MAOA: variants seen among roughly 807,000 people sequenced by gnomAD.
The protein encoded by MAOA is monoamine oxidase A.
Under a neutral mutation model 42.0 loss-of-function variants are expected in MAOA, and 6 were observed. The observed-to-expected ratio is 0.14, with a 90% CI of 0.08 to 0.28. The LOEUF (loss-of-function observed/expected upper bound fraction) is 0.28, where lower values mean the gene tolerates loss of function less well. Among genes scored for constraint, MAOA ranks in the 10% least tolerant of loss-of-function variants. The pLI, the probability that MAOA is intolerant of heterozygous loss-of-function variation, is 1.00. For missense variants in MAOA, 262 were observed against 422.3 expected, an observed-to-expected ratio of 0.62 and a Z score of 3.33; for synonymous variants, 140 against 154.0, an observed-to-expected ratio of 0.91 and a Z score of 0.67.
At chrX:43,675,924 A>T (rs1013432857) in intron 1 of MAOA, among the ~76,000 whole-genome samples, 3 of 112,237 alleles carry the variant, frequency 2.7e-5, no homozygotes, top group South Asian at 3.7e-4. Context: ...CAGTCTGCCC[A>T]TTCTCAGATC....
At chrX:43,674,976 G>T (rs1326451033) in intron 1 of MAOA, among the ~76,000 whole-genome samples, 1 of 111,585 alleles carries the variant, frequency 9.0e-6, no homozygotes, top group Non-Finnish European at 1.9e-5. Context: ...TGTATTTCCT[G>T]AATCTGAATG....
intron 1 of MAOA, among the ~76,000 whole-genome samples, chrX:43,660,720 A>G (rs1004674902): frequency 1.8e-5 from 2 of 111,633 alleles, no homozygotes; most frequent in African/African-American, 6.5e-5. Context: ...TTAACAAACA[A>G]TTTACACTTA....
At chrX:43,689,140 C>T (rs779490637) in intron 2 of MAOA, among the ~76,000 whole-genome samples, 20 of 110,467 alleles carry the variant, frequency 1.8e-4, no homozygotes, top group South Asian at 3.8e-4. Context: ...AGTGCAGTGG[C>T]GCAATCTCAG....
Position 43,698,046 on chromosome X carries a change from G to T in MAOA, c.306+4618G>T, listed in dbSNP as rs534632275. On this transcript the variant is annotated intron_variant, in intron 3 of 14. Transcript: ENST00000338702. ...TGTGACATTTTCTGCATTGCTTTTT[G>T]ACAACTTCAGCTTTCATAATCTAAT... Among the ~76,000 whole-genome samples the T allele has an allele frequency of 2.1e-4, 24 of 111,948 alleles. No individual in the cohort carries two copies. The South Asian group carries it at 2.6e-3, about 12-fold the overall frequency.
chrX:43,685,030 C>CT (rs2033476138), intron 2 of MAOA, among the ~76,000 whole-genome samples: 1 of 108,389 alleles, frequency 9.2e-6, no homozygotes, highest in Non-Finnish European at 1.9e-5. Flanking sequence ...GGCACCCCCC[C>CT]CACCACGCCA....
intron 3 of MAOA, among the ~76,000 whole-genome samples, chrX:43,699,603 T>G (rs1355996909): frequency 8.9e-6 from 1 of 111,878 alleles, no homozygotes; most frequent in African/African-American, 3.2e-5. Context: ...AAAGATTTAT[T>G]TAAAACAACA....
At chrX:43,702,992 A>G (rs942545891) in intron 3 of MAOA, among the ~76,000 whole-genome samples, 11 of 111,493 alleles carry the variant, frequency 9.9e-5, no homozygotes, top group African/African-American at 3.3e-4. Context: ...TCACTAATTG[A>G]CATAATTATT....
intron 6 of MAOA, among the ~76,000 whole-genome samples, chrX:43,728,713 CT>C (rs1198662618): frequency 1.8e-5 from 2 of 112,632 alleles, no homozygotes; most frequent in African/African-American, 3.2e-5. Context: ...CAGAGTGATT[CT>C]TTTATGTTAA....
chrX:43,669,373 G>A (rs1025235190), intron 1 of MAOA, among the ~76,000 whole-genome samples: 5 of 110,643 alleles, frequency 4.5e-5, no homozygotes, highest in African/African-American at 1.3e-4. Context: ...AGCTGAGACC[G>A]TACCACTGCA....
chrX:43,679,167 AG>A (rs2033423888), intron 1 of MAOA, among the ~76,000 whole-genome samples: 1 of 109,442 alleles, frequency 9.1e-6, no homozygotes, highest in African/African-American at 3.3e-5. Flanking sequence ...TCTGCAATGT[AG>A]AAACAACTAC....
At chrX:43,732,572 T>C (rs1327437839) in intron 8 of MAOA, 127 bp from the exon 9 acceptor site, 2 of 512,813 alleles carry the variant, frequency 3.9e-6, no homozygotes, top group East Asian at 3.6e-5. Flanking sequence ...ACATGTAGGG[T>C]TGGGGCCAAG....
At chrX:43,738,065 T>C (rs968832513) in intron 10 of MAOA, among the ~76,000 whole-genome samples, 13 of 112,218 alleles carry the variant, frequency 1.2e-4, no homozygotes, top group African/African-American at 4.2e-4. Flanking sequence ...AAATATGTTT[T>C]TATAAGACCT....
At chrX:43,694,686 G>A (rs1393280506) in intron 3 of MAOA, among the ~76,000 whole-genome samples, 1 of 111,838 alleles carries the variant, frequency 8.9e-6, no homozygotes, top group Non-Finnish European at 1.9e-5. Flanking sequence ...GTGTTTCCAT[G>A]GACTAGTAAG....
chrX:43,673,080 T>A (rs775849121), intron 1 of MAOA, among the ~76,000 whole-genome samples: 1 of 110,636 alleles, frequency 9.0e-6, no homozygotes, highest in East Asian at 2.9e-4. Flanking sequence ...GGACTCTTTT[T>A]GGTTGGTAAG....
chrX:43,672,622 A>G (rs1378114172), intron 1 of MAOA, among the ~76,000 whole-genome samples: 1 of 111,845 alleles, frequency 8.9e-6, no homozygotes, highest in African/African-American at 3.3e-5. Context: ...CGTCCCATCA[A>G]TACCTAATTT....
chrX:43,739,330 A>G (rs781396657), intron 10 of MAOA, among the ~76,000 whole-genome samples: 2 of 112,310 alleles, frequency 1.8e-5, no homozygotes, highest in South Asian at 7.5e-4. Context: ...ATGTTGCATG[A>G]CATCATCTCA....
At chrX:43,667,328 T>A (rs1486531380) in intron 1 of MAOA, among the ~76,000 whole-genome samples, 1 of 111,269 alleles carries the variant, frequency 9.0e-6, no homozygotes, top group Admixed American at 9.6e-5. Context: ...TTTGTCTCTC[T>A]TTCCCATAAA....
At chrX:43,677,964 C>T (rs1357964266) in intron 1 of MAOA, among the ~76,000 whole-genome samples, 1 of 111,858 alleles carries the variant, frequency 8.9e-6, no homozygotes, top group Non-Finnish European at 1.9e-5. Context: ...ATTTTTGACA[C>T]TAGGATACTT....
intron 1 of MAOA, among the ~76,000 whole-genome samples, chrX:43,681,802 AAGAC>A (rs200325303): frequency 0.031 from 3,384 of 110,058 alleles, 64 homozygotes; most frequent in Non-Finnish European, 0.047. Flanking sequence ...ACTAGGAACT[AAGAC>A]AGAATTTGAA....
Sources: gnomAD v4.1 joint callset for allele counts (sites outside exome capture counted in the v4.1 genomes callset) on GRCh38, gnomAD v4.1.1 for gene constraint, MANE v1.5 for transcripts, NCBI Gene and HGNC (gene_info 2026-07-23, HGNC 2026-07-21) for gene names.